Variants in ILRUN observed in about 807,000 individuals in gnomAD.
ILRUN encodes the protein protein ILRUN.
In ILRUN, 3 loss-of-function variants were observed where a neutral mutation model predicts 33.8. The observed-to-expected ratio is 0.09, with a 90% CI of 0.04 to 0.23. ILRUN has a LOEUF of 0.23. Ranked by LOEUF, ILRUN falls within the 10% of genes least tolerant of loss-of-function variation. The pLI, the probability that ILRUN is intolerant of heterozygous loss-of-function variation, is 1.00. For missense variants in ILRUN, 210 were observed against 375.1 expected, an observed-to-expected ratio of 0.56 and a Z score of 3.64; for synonymous variants, 124 against 138.9, an observed-to-expected ratio of 0.89 and a Z score of 0.75.
At position 34,590,421 on chromosome 6, in the gene ILRUN, C is replaced by T; in HGVS notation, c.*144G>A. ...GTTTACTCAAAACTAGTCTGTTCTGCTTCTTCCTCTTCTTCCGGGATGAGA... is the reference window on the plus strand; with the variant it reads ...GTTTACTCAAAACTAGTCTGTTCTGTTTCTTCCTCTTCTTCCGGGATGAGA... On this transcript the variant is annotated 3_prime_UTR_variant, in exon 5 of 5. Coordinates refer to ENST00000374023, the MANE Select transcript of ILRUN (RefSeq NM_024294.4). The T allele has an allele frequency of 1.7e-6, 2 of 1,163,478 alleles. No individual in the cohort carries two copies. The highest frequency in any genetic ancestry group is 1.5e-5 in the South Asian group (1 of 68,264). 72.1% of individuals were successfully genotyped at this position (1,163,478 alleles called of 1,614,324 possible).
intron 3 of ILRUN, among the ~76,000 whole-genome samples, chr6:34,621,810 C>A (rs1413759239): frequency 6.6e-6 from 1 of 151,976 alleles, no homozygotes; most frequent in Non-Finnish European, 1.5e-5. Context: ...TTGCAGTGAG[C>A]CAAGATCGTG....
At chr6:34,599,681 A>G (rs1761469263) in intron 4 of ILRUN, among the ~76,000 whole-genome samples, 1 of 152,210 alleles carries the variant, frequency 6.6e-6, no homozygotes, top group Non-Finnish European at 1.5e-5. Context: ...TCCATGTGAC[A>G]TAACTCTCAA....
chr6:34,678,193 C>T (rs1447043789), intron 1 of ILRUN, among the ~76,000 whole-genome samples: 2 of 152,086 alleles, frequency 1.3e-5, no homozygotes, highest in African/African-American at 2.4e-5. Context: ...GTGCCCACCA[C>T]CAGGCCCGGC....
At chr6:34,663,036 G>T (rs1762920786) in intron 1 of ILRUN, among the ~76,000 whole-genome samples, 1 of 151,922 alleles carries the variant, frequency 6.6e-6, no homozygotes, top group Non-Finnish European at 1.5e-5. Context: ...CAAGGCTACA[G>T]TGAGCCCTAA....
intron 3 of ILRUN, chr6:34,616,920 T>C: frequency 1.5e-5 from 9 of 600,402 alleles, no homozygotes; most frequent in Non-Finnish European, 2.8e-5. Flanking sequence ...CTGAGGATTG[T>C]AGAACCATAT....
At chr6:34,660,229 G>C (rs1762861806) in intron 1 of ILRUN, among the ~76,000 whole-genome samples, 1 of 151,974 alleles carries the variant, frequency 6.6e-6, no homozygotes, top group Non-Finnish European at 1.5e-5. Context: ...CTTGATCCCA[G>C]GAGGGTGAGG....
At chr6:34,594,782 T>C (rs907112410) in intron 4 of ILRUN, among the ~76,000 whole-genome samples, 1 of 152,238 alleles carries the variant, frequency 6.6e-6, no homozygotes, top group Admixed American at 6.5e-5. Flanking sequence ...GGCCAGCTGA[T>C]TGATTACAGT....
chr6:34,624,418 G>T (rs1762073429), intron 3 of ILRUN, among the ~76,000 whole-genome samples: 1 of 151,876 alleles, frequency 6.6e-6, no homozygotes, highest in Admixed American at 6.6e-5. Context: ...CCACCTCCCG[G>T]GTTCAAGCAA....
At chr6:34,686,978 A>T (rs1763535286) in intron 1 of ILRUN, 2 of 181,786 alleles carry the variant, frequency 1.1e-5, no homozygotes, top group African/African-American at 5.4e-5. Context: ...TAAAACTATA[A>T]AGAAGATTGT....
At chr6:34,643,557 T>C (rs559775187) in intron 3 of ILRUN, among the ~76,000 whole-genome samples, 1 of 152,242 alleles carries the variant, frequency 6.6e-6, no homozygotes, top group African/African-American at 2.4e-5. Flanking sequence ...CAGTTAATAA[T>C]GTAAAAAAAA....
chr6:34,603,299 G>A (rs1261901053), intron 4 of ILRUN, among the ~76,000 whole-genome samples: 1 of 152,090 alleles, frequency 6.6e-6, no homozygotes, highest in Non-Finnish European at 1.5e-5. Context: ...GACCACTTGA[G>A]GTCAGGAGTT....
At chr6:34,683,473 C>CACATATATATAT (rs1477167895) in intron 1 of ILRUN, among the ~76,000 whole-genome samples, 2 of 97,844 alleles carry the variant, frequency 2.0e-5, no homozygotes, top group Non-Finnish European at 3.8e-5. Flanking sequence ...CATATATATA[C>CACATATATATAT]ACATATATAT....
At chr6:34,694,659 CAA>C (rs952993011) in intron 1 of ILRUN, among the ~76,000 whole-genome samples, 2 of 152,116 alleles carry the variant, frequency 1.3e-5, no homozygotes, top group Non-Finnish European at 2.9e-5. Context: ...TGCATCCAGT[CAA>C]AGAGTTTTCT....
intron 3 of ILRUN, among the ~76,000 whole-genome samples, chr6:34,631,231 A>G (rs1762237962): frequency 6.6e-6 from 1 of 152,228 alleles, no homozygotes; most frequent in African/African-American, 2.4e-5. Context: ...AGAAGCCAGT[A>G]GTAATGTAAT....
At chr6:34,639,522 G>A (rs1338067918) in intron 3 of ILRUN, among the ~76,000 whole-genome samples, 1 of 152,140 alleles carries the variant, frequency 6.6e-6, no homozygotes, top group African/African-American at 2.4e-5. Flanking sequence ...CTTACCCTTT[G>A]CCCAGAGTCC....
chr6:34,652,838 A>G (rs1762696173), intron 2 of ILRUN, among the ~76,000 whole-genome samples: 1 of 151,814 alleles, frequency 6.6e-6, no homozygotes, highest in Admixed American at 6.6e-5. Context: ...ACAAAACCCA[A>G]CCCCTGCTCC....
chr6:34,625,072 A>C (rs185719089), intron 3 of ILRUN, among the ~76,000 whole-genome samples: 1 of 152,308 alleles, frequency 6.6e-6, no homozygotes, highest in East Asian at 1.9e-4. Context: ...CATTCTCTCC[A>C]AAGAGAACTA....
intron 2 of ILRUN, among the ~76,000 whole-genome samples, chr6:34,647,463 G>GCA: frequency 6.6e-6 from 1 of 152,256 alleles, no homozygotes; most frequent in South Asian, 2.1e-4. Flanking sequence ...TGTGGTCGCA[G>GCA]GAACAATGGC....
At chr6:34,635,612 C>CTTTTTT (rs778064465) in intron 3 of ILRUN, among the ~76,000 whole-genome samples, 3 of 104,572 alleles carry the variant, frequency 2.9e-5, no homozygotes, top group African/African-American at 8.1e-5. Context: ...TCTTAGAAAG[C>CTTTTTT]TTTTTTTTTT....
Sources: gnomAD v4.1 joint callset for allele counts (sites outside exome capture counted in the v4.1 genomes callset) on GRCh38, gnomAD v4.1.1 for gene constraint, MANE v1.5 for transcripts, NCBI Gene and HGNC (gene_info 2026-07-23, HGNC 2026-07-21) for gene names.